CSMD1: variants seen among roughly 807,000 people sequenced by gnomAD.
CSMD1 encodes CUB and sushi domain-containing protein 1.
Under a neutral mutation model 417.5 loss-of-function variants are expected in CSMD1, and 213 were observed. The ratio of observed to expected loss-of-function variants is 0.51; its 90% CI spans 0.46 to 0.57. The LOEUF is 0.57. Ranked by LOEUF, CSMD1 falls within the 20% of genes least tolerant of loss-of-function variation. The pLI is 0.00. For missense variants in CSMD1, 6,923 were observed against 4,529.7 expected (o/e 1.53, Z -15.17); for synonymous variants, 2,862 against 1,736.8 (o/e 1.65, Z -16.11).
chr8:4,476,518 G>C (rs558073750), intron 2 of CSMD1, among the ~76,000 whole-genome samples: 10 of 152,190 alleles, frequency 6.6e-5, no homozygotes, highest in African/African-American at 2.4e-4. Flanking sequence ...CTACTTTTCG[G>C]AGTTCTAAAA....
At chr8:4,813,026 C>T (rs773804831) in intron 1 of CSMD1, among the ~76,000 whole-genome samples, 1 of 152,136 alleles carries the variant, frequency 6.6e-6, no homozygotes, top group Non-Finnish European at 1.5e-5. Flanking sequence ...CTGGAATCCA[C>T]AAGAAACAAA....
At chr8:3,754,702 G>C (rs1246655829) in intron 5 of CSMD1, among the ~76,000 whole-genome samples, 1 of 152,202 alleles carries the variant, frequency 6.6e-6, no homozygotes, top group Non-Finnish European at 1.5e-5. Flanking sequence ...TGATCTGCCT[G>C]CCTTGGCCTT....
At chr8:4,121,792 C>G (rs924945709) in intron 3 of CSMD1, among the ~76,000 whole-genome samples, 4 of 151,900 alleles carry the variant, frequency 2.6e-5, no homozygotes, top group Non-Finnish European at 2.9e-5. Flanking sequence ...CAGTACATCA[C>G]TTATTTTCTA....
Position 3,678,145 on chromosome 8 carries a change from G to C in CSMD1, c.1009+30269C>G, listed in dbSNP as rs185202149. Among the ~76,000 whole-genome samples, 4 of 152,296 alleles carry C rather than the reference G, an allele frequency of 2.6e-5. No individual in the cohort carries two copies. In the East Asian group the frequency reaches 7.7e-4, roughly 29 times the overall value. ...AGGTGATTTCTGCATTTCCAGCTGA[G>C]GAATGCAGCTCCTCACCAGCAACAG... is the stretch of plus-strand genomic sequence containing the variant. On this transcript the variant is annotated intron_variant, in intron 7 of 69. Coordinates refer to ENST00000635120, the MANE Select transcript of CSMD1 (RefSeq NM_033225.6).
intron 1 of CSMD1, among the ~76,000 whole-genome samples, chr8:4,838,239 T>G (rs1030512860): frequency 5.3e-5 from 8 of 152,210 alleles, no homozygotes; most frequent in African/African-American, 1.9e-4. Context: ...CGTTCTGGGT[T>G]TTATTCACTT....
At chr8:3,316,441 A>G (rs1407819684) in intron 23 of CSMD1, among the ~76,000 whole-genome samples, 3 of 152,158 alleles carry the variant, frequency 2.0e-5, no homozygotes, top group Non-Finnish European at 4.4e-5. Flanking sequence ...AATACTTATA[A>G]AACAACACGA....
intron 5 of CSMD1, among the ~76,000 whole-genome samples, chr8:3,770,181 C>G (rs918936262): frequency 2.0e-5 from 3 of 152,188 alleles, no homozygotes; most frequent in African/African-American, 4.8e-5. Context: ...ATACAGGTCC[C>G]TCTCCCATGA....
At chr8:4,515,615 A>G (rs1468612857) in intron 2 of CSMD1, among the ~76,000 whole-genome samples, 1 of 152,230 alleles carries the variant, frequency 6.6e-6, no homozygotes, top group African/African-American at 2.4e-5. Context: ...AATTTTATCA[A>G]TAGCAACAAC....
chr8:4,958,250 T>C (rs1393990186), intron 1 of CSMD1, among the ~76,000 whole-genome samples: 1 of 152,194 alleles, frequency 6.6e-6, no homozygotes, highest in Non-Finnish European at 1.5e-5. Flanking sequence ...CAATATGAGA[T>C]TAGAAAAACA....
intron 57 of CSMD1, among the ~76,000 whole-genome samples, chr8:2,970,589 A>G (rs746290075): frequency 6.6e-6 from 1 of 152,206 alleles, no homozygotes; most frequent in Non-Finnish European, 1.5e-5. Context: ...TATTGAGGAA[A>G]TATTTTAAAT....
At chr8:4,012,669 C>A (rs1796326590) in intron 4 of CSMD1, among the ~76,000 whole-genome samples, 3 of 152,106 alleles carry the variant, frequency 2.0e-5, no homozygotes, top group African/African-American at 4.8e-5. Context: ...TCCTGAATTC[C>A]AGCTTTATGT....
At chr8:4,229,141 C>G (rs968137228) in intron 3 of CSMD1, among the ~76,000 whole-genome samples, 3 of 152,204 alleles carry the variant, frequency 2.0e-5, no homozygotes, top group Non-Finnish European at 2.9e-5. Context: ...GAGAATAACT[C>G]CCTTTTTCTA....
At chr8:3,920,700 T>G (rs1359941286) in intron 5 of CSMD1, among the ~76,000 whole-genome samples, 1 of 152,010 alleles carries the variant, frequency 6.6e-6, no homozygotes, top group Non-Finnish European at 1.5e-5. Context: ...GGTTAAATTT[T>G]GTCAAATGCT....
chr8:3,914,324 A>T (rs1432108145), intron 5 of CSMD1, among the ~76,000 whole-genome samples: 1 of 152,194 alleles, frequency 6.6e-6, no homozygotes, highest in African/African-American at 2.4e-5. Context: ...GAGGAAGAGA[A>T]TGGGGCCTAG....
At chr8:3,235,916 G>GTTTTTTTTGTTT (rs1554478185) in intron 26 of CSMD1, among the ~76,000 whole-genome samples, 1 of 119,378 alleles carries the variant, frequency 8.4e-6, no homozygotes, top group African/African-American at 3.2e-5. Context: ...GAAGATGTAA[G>GTTTTTTTTGTTT]TTTTTTTTTT....
chr8:3,254,969 T>C (rs961696856), intron 26 of CSMD1, among the ~76,000 whole-genome samples: 4 of 152,214 alleles, frequency 2.6e-5, no homozygotes, highest in African/African-American at 9.6e-5. Flanking sequence ...GTTTACAGTT[T>C]TTCTGCTCTG....
At position 3,227,065 on chromosome 8, in the gene CSMD1, T is replaced by C. The variant is rs917708318; in HGVS notation, c.4345+2975A>G. ...CAGAGAAAACATTAATAAATATATA[T>C]GGCTGATGGCAGGTTAAATCGGTGT... On this transcript the variant is annotated intron_variant, in intron 27 of 69. Transcript: ENST00000635120. Among the ~76,000 whole-genome samples the C allele has an allele frequency of 4.6e-5, 7 of 152,240 alleles. No homozygotes were observed. In the South Asian group the frequency reaches 6.2e-4, roughly 14 times the overall value.
At chr8:3,808,163 A>T (rs1358034285) in intron 5 of CSMD1, among the ~76,000 whole-genome samples, 1 of 152,200 alleles carries the variant, frequency 6.6e-6, no homozygotes, top group Non-Finnish European at 1.5e-5. Flanking sequence ...CTATGAAATT[A>T]AAAAAATGTA....
At chr8:4,496,806 G>T (rs1433683014) in intron 2 of CSMD1, among the ~76,000 whole-genome samples, 8 of 152,148 alleles carry the variant, frequency 5.3e-5, no homozygotes, top group Non-Finnish European at 1.5e-5. Context: ...CTGAGACATG[G>T]ACTTTTGATG....
Sources: gnomAD v4.1 joint callset for allele counts (sites outside exome capture counted in the v4.1 genomes callset) on GRCh38, gnomAD v4.1.1 for gene constraint, MANE v1.5 for transcripts, NCBI Gene and HGNC (gene_info 2026-07-23, HGNC 2026-07-21) for gene names.